The following RASSF4 variants were observed in gnomAD, a reference collection of about 807,000 sequenced individuals.
RASSF4 encodes ras association domain-containing protein 4.
A neutral mutation model predicts 41.1 loss-of-function variants in RASSF4; 38 were observed. The ratio of observed to expected loss-of-function variants is 0.92; its 90% CI spans 0.71 to 1.21. The LOEUF (loss-of-function observed/expected upper bound fraction) is 1.21. Ranked by LOEUF, RASSF4 falls within the 50% of genes most tolerant of loss-of-function variation. RASSF4 has a pLI of 0.00. For missense variants in RASSF4, 414 were observed against 419.4 expected, an observed-to-expected ratio of 0.99 and a Z score of 0.11; for synonymous variants, 179 against 163.4, an observed-to-expected ratio of 1.10 and a Z score of -0.73.
chr10:44,989,010 T>G (rs1240069055), intron 6 of RASSF4, among the ~76,000 whole-genome samples: 3 of 152,220 alleles, frequency 2.0e-5, no homozygotes, highest in African/African-American at 7.2e-5. Context: ...ATGACTTCCA[T>G]GGCCCTGGTT....
intron 1 of RASSF4, 150 bp downstream of exon 1, chr10:44,960,016 T>C (rs1588774304): frequency 6.6e-6 from 1 of 152,256 alleles, no homozygotes; most frequent in South Asian, 2.1e-4. Context: ...CCTGGCGCAT[T>C]GCGGGCCTCG....
At chr10:44,979,254 C>G (rs947772150) in intron 3 of RASSF4, among the ~76,000 whole-genome samples, 2 of 152,206 alleles carry the variant, frequency 1.3e-5, no homozygotes, top group East Asian at 3.9e-4. Flanking sequence ...GAGAGACACA[C>G]CCTGCTCGCA....
chr10:44,966,879 T>C (rs574864389), intron 1 of RASSF4, among the ~76,000 whole-genome samples: 2 of 152,352 alleles, frequency 1.3e-5, no homozygotes, highest in South Asian at 4.1e-4. Flanking sequence ...CTTTTGCTGG[T>C]CATGTGAAAT....
At chr10:44,984,748 G>A (rs1044893712) in intron 5 of RASSF4, 65 bp from the exon 6 acceptor site, 60 of 1,579,356 alleles carry the variant, frequency 3.8e-5, no homozygotes, top group African/African-American at 9.4e-5. Flanking sequence ...CAGATCTCCC[G>A]ACAGCAGGCA....
At chr10:44,974,241 G>A (rs908199224) in intron 3 of RASSF4, among the ~76,000 whole-genome samples, 1 of 152,248 alleles carries the variant, frequency 6.6e-6, no homozygotes, top group African/African-American at 2.4e-5. Context: ...CAGGCCCCAA[G>A]GGCTGGGCAG....
Position 44,993,354 on chromosome 10 carries a change from AG to A in RASSF4, c.*26del. 1 of 1,580,024 alleles carries A rather than the reference AG, an allele frequency of 6.3e-7. No homozygotes were observed. The highest frequency in any genetic ancestry group is 8.6e-7 in the Non-Finnish European group (1 of 1,164,878). ...ACTGGCCAACACCTGCCTCTTCCAA[AG>A]TCCCCAGCAGTGGCAGGTGTACACT... On this transcript the variant is annotated 3_prime_UTR_variant, in exon 11 of 11. Coordinates refer to ENST00000340258, the MANE Select transcript of RASSF4 (RefSeq NM_032023.4).
At position 44,993,450 on chromosome 10, in the gene RASSF4, G is replaced by T; in HGVS notation, c.*121G>T. On this transcript the variant is annotated 3_prime_UTR_variant, in exon 11 of 11. Transcript: ENST00000340258. ...ACCGCCTGACGAATCGAGTGCCTGT[G>T]TGTCTACCTCTCTGAAGCCTGAGCA... 1.4e-6 allele frequency: 1 copy of T among 719,368 alleles called. No homozygotes were observed. The highest frequency in any genetic ancestry group is 2.4e-6 in the Non-Finnish European group (1 of 419,916). 44.6% of individuals were successfully genotyped at this position (719,368 alleles called of 1,614,324 possible).
At position 44,991,360 on chromosome 10, in the gene RASSF4, T is replaced by G. The variant is rs151048097; in HGVS notation, c.807+291T>G. The stretch of plus-strand genomic sequence containing the variant: ...TTTCCTTCATTGGAATGTATTTTGT[T>G]GTCATTATGTGAGAGACCTATGCAA... On this transcript the variant is annotated intron_variant, in intron 9 of 10. Transcript: ENST00000340258. The G allele has an allele frequency of 2.9e-3, 886 of 304,634 alleles. 8 individuals are homozygous for G. Among genetic ancestry groups the G allele is most frequent in the African/African-American group, 0.018 (831 of 47,436 alleles). The allele number at this position is 304,634 out of a possible 1,614,324, so 18.9% of individuals were successfully genotyped here. A position where few individuals can be genotyped will look rare whatever the true frequency, so the allele number is the denominator to read the frequency against.
At position 44,982,228 on chromosome 10, in the gene RASSF4, G is replaced by A. The variant is rs1588833576; in HGVS notation, c.139-293G>A. 8.8e-6 allele frequency: 4 copies of A among 454,280 alleles called. No homozygotes were observed. In the East Asian group the frequency reaches 1.9e-4, roughly 21 times the overall value. The allele number at this position is 454,280 out of a possible 1,614,324, so 28.1% of individuals were successfully genotyped here. A position where few individuals can be genotyped will look rare whatever the true frequency, so the allele number is the denominator to read the frequency against. ...CCTGGAACCACTTCTTCACCGCGGT[G>A]TGGACGTGCCTGCCGGCCAGCAGCT... On this transcript the variant is annotated intron_variant, in intron 3 of 10. Coordinates refer to ENST00000340258, the MANE Select transcript of RASSF4 (RefSeq NM_032023.4).
intron 3 of RASSF4, chr10:44,978,701 G>A (rs914855716): frequency 2.0e-5 from 3 of 152,482 alleles, no homozygotes; most frequent in Non-Finnish European, 4.4e-5. Context: ...GGAAGCTTGG[G>A]GGCCGAAGGG....
intron 3 of RASSF4, among the ~76,000 whole-genome samples, chr10:44,980,268 T>C (rs2132788746): frequency 6.6e-6 from 1 of 152,330 alleles, no homozygotes; most frequent in Non-Finnish European, 1.5e-5. Context: ...CACATGGCAC[T>C]TCTCACCTTG....
chr10:44,968,105 C>T (rs1457974309), intron 1 of RASSF4, among the ~76,000 whole-genome samples: 2 of 152,206 alleles, frequency 1.3e-5, no homozygotes, highest in South Asian at 4.1e-4. Flanking sequence ...GAAAAAAACA[C>T]TGCCTGTAAT....
intron 2 of RASSF4, chr10:44,971,554 C>T: frequency 1.5e-6 from 1 of 676,388 alleles, no homozygotes; most frequent in East Asian, 2.8e-5. Flanking sequence ...GTCTCGCCTC[C>T]TCCTCAGCCC....
intron 8 of RASSF4, among the ~76,000 whole-genome samples, chr10:44,990,187 C>T (rs921874264): frequency 6.6e-5 from 10 of 152,336 alleles, no homozygotes; most frequent in Middle Eastern, 3.4e-3. Flanking sequence ...TCTCCCACCC[C>T]TCAGATCTTG....
chr10:44,980,379 G>T (rs553779677), intron 3 of RASSF4, among the ~76,000 whole-genome samples: 49 of 152,352 alleles, frequency 3.2e-4, no homozygotes, highest in African/African-American at 1.1e-3. Context: ...AAAAGAGGGA[G>T]GGAGGCGGAG....
intron 3 of RASSF4, among the ~76,000 whole-genome samples, chr10:44,973,514 G>A (rs532197105): frequency 6.6e-6 from 1 of 152,312 alleles, no homozygotes; most frequent in South Asian, 2.1e-4. Context: ...TTCCACAGGT[G>A]GTCCAAGCAC....
At chr10:44,975,527 C>T (rs182915385) in intron 3 of RASSF4, among the ~76,000 whole-genome samples, 1,495 of 114,984 alleles carry the variant, frequency 0.013, 57 homozygotes, top group African/African-American at 0.052. Context: ...CCCCCAGCCC[C>T]ACTCCCCTCT....
intron 7 of RASSF4, 84 bp from the exon 8 acceptor site, chr10:44,989,586 G>T: frequency 8.1e-7 from 1 of 1,230,222 alleles, no homozygotes; most frequent in East Asian, 2.3e-5. Flanking sequence ...GTGTTACTGG[G>T]GGTGTAGTTA....
intron 3 of RASSF4, chr10:44,977,903 G>T: frequency 6.2e-7 from 1 of 1,612,708 alleles, no homozygotes; most frequent in Admixed American, 1.7e-5. Flanking sequence ...TCGAGATATA[G>T]ACCTCACGTA....
Sources: allele counts gnomAD v4.1 joint callset (sites outside exome capture counted in the v4.1 genomes callset), GRCh38; gene constraint gnomAD v4.1.1; transcripts MANE v1.5; gene names NCBI Gene and HGNC (gene_info 2026-07-23, HGNC 2026-07-21).